Variants in SLC4A4 observed in about 807,000 individuals in gnomAD.
SLC4A4 encodes the protein electrogenic sodium bicarbonate cotransporter 1.
In SLC4A4, 27 loss-of-function variants were observed where a neutral mutation model predicts 111.5. The ratio of observed to expected loss-of-function variants is 0.24; its 90% CI spans 0.18 to 0.33. The LOEUF is 0.33. Ranked by LOEUF, SLC4A4 falls within the 10% of genes least tolerant of loss-of-function variation. The pLI is 1.00. For synonymous variants in SLC4A4, 443 were observed against 463.4 expected, an observed-to-expected ratio of 0.96 and a Z score of 0.57; for missense variants, 909 against 1,315.5, an observed-to-expected ratio of 0.69 and a Z score of 4.78.
chr4:71,304,142 G>A (rs1725494306), intron 3 of SLC4A4, among the ~76,000 whole-genome samples: 1 of 152,082 alleles, frequency 6.6e-6, no homozygotes, highest in African/African-American at 2.4e-5. Flanking sequence ...GTTGTATTAG[G>A]GTTCTCCAGA....
At position 71,385,171 on chromosome 4, in the gene SLC4A4, T is replaced by TTATATATA. The variant is rs199563560; in HGVS notation, c.731-12392_731-12385dup. On this transcript the variant is annotated intron_variant, in intron 6 of 25. Coordinates refer to ENST00000264485, the MANE Select transcript of SLC4A4 (RefSeq NM_001098484.3). ...TTTTTATTGTCAATATAGGTTAGATTTATATATATATATATATATATTTTT... is the reference window on the plus strand; with the variant it reads ...TTTTTATTGTCAATATAGGTTAGATTTATATATATATATATATATATATATATATTTTT... Among the ~76,000 whole-genome samples, 99 of 40,016 alleles carry TTATATATA rather than the reference T, an allele frequency of 2.5e-3. 1 individual carries two copies. Among genetic ancestry groups the TTATATATA allele is most frequent in the Admixed American group, 4.1e-3 (7 of 1,714 alleles). 26.3% of individuals were successfully genotyped at this position (40,016 alleles called of 152,430 possible). A position where few individuals can be genotyped will look rare whatever the true frequency, so the allele number is the denominator to read the frequency against.
At chr4:71,144,366 G>A (rs996457240) in intron 2 of SLC4A4, among the ~76,000 whole-genome samples, 3 of 152,318 alleles carry the variant, frequency 2.0e-5, no homozygotes, top group African/African-American at 7.2e-5. Flanking sequence ...AGTATAGTTT[G>A]AAGTCAGTTA....
intron 2 of SLC4A4, among the ~76,000 whole-genome samples, chr4:71,159,921 GATTTTTCTATAGT>G (rs1026142555): frequency 6.6e-6 from 1 of 152,000 alleles, no homozygotes; most frequent in Non-Finnish European, 1.5e-5. Flanking sequence ...TCTATAGTTT[GATTTTTCTATAGT>G]ATTTTTCTAT....
intron 18 of SLC4A4, among the ~76,000 whole-genome samples, chr4:71,539,224 C>G (rs931969225): frequency 6.6e-6 from 1 of 152,044 alleles, no homozygotes; most frequent in Non-Finnish European, 1.5e-5. Context: ...TATGCCTAGA[C>G]TCTTCTAAAG....
intron 6 of SLC4A4, among the ~76,000 whole-genome samples, chr4:71,384,703 A>G (rs1032735282): frequency 2.7e-5 from 4 of 150,664 alleles, no homozygotes; most frequent in Non-Finnish European, 5.9e-5. Flanking sequence ...ATACATTTGT[A>G]TTATTATTTC....
At chr4:71,074,522 G>A (rs539608517) in intron 1 of SLC4A4, among the ~76,000 whole-genome samples, 2 of 151,952 alleles carry the variant, frequency 1.3e-5, no homozygotes, top group South Asian at 4.2e-4. Flanking sequence ...TTTCAAAAAA[G>A]CAGTGAGAAA....
intron 7 of SLC4A4, among the ~76,000 whole-genome samples, chr4:71,422,710 C>T (rs1722672238): frequency 6.6e-6 from 1 of 151,174 alleles, no homozygotes; most frequent in Non-Finnish European, 1.5e-5. Context: ...TGTAATCCAG[C>T]ATATAAACAG....
chr4:71,136,615 A>G (rs6822301), intron 2 of SLC4A4, among the ~76,000 whole-genome samples: 31,183 of 152,100 alleles, frequency 0.21, 3,289 homozygotes, highest in South Asian at 0.31. Context: ...TTCTGCTGTC[A>G]GACGAACTGA....
intron 6 of SLC4A4, among the ~76,000 whole-genome samples, chr4:71,365,505 C>T (rs1731161753): frequency 6.6e-6 from 1 of 152,098 alleles, no homozygotes; most frequent in Admixed American, 6.5e-5. Flanking sequence ...AAGATAGAGA[C>T]ATAAAATATG....
Position 71,322,208 on chromosome 4 carries a change from C to T in SLC4A4, c.254-17162C>T, listed in dbSNP as rs114104371. Among the ~76,000 whole-genome samples the T allele has an allele frequency of 1.7e-3, 262 of 152,010 alleles. 2 individuals carry two copies. Among genetic ancestry groups the T allele is most frequent in the African/African-American group, 6.1e-3 (253 of 41,502 alleles). On this transcript the variant is annotated intron_variant, in intron 3 of 25. Coordinates refer to ENST00000264485, the MANE Select transcript of SLC4A4 (RefSeq NM_001098484.3). ...TTCCTTGAGGCCTCCATTCCTCTCC[C>T]GATTTTAAAAGAAATTGTATTTTTA...
chr4:71,540,312 G>A (rs918150931), intron 18 of SLC4A4, among the ~76,000 whole-genome samples: 7 of 152,090 alleles, frequency 4.6e-5, no homozygotes, highest in Non-Finnish European at 7.4e-5. Flanking sequence ...ACTTTAGGCC[G>A]CTGGGCTAGT....
intron 2 of SLC4A4, among the ~76,000 whole-genome samples, chr4:71,122,022 C>G (rs1467819482): frequency 6.6e-6 from 1 of 152,110 alleles, no homozygotes; most frequent in African/African-American, 2.4e-5. Flanking sequence ...AGCTTCACTC[C>G]TGAAGCCAGC....
At chr4:71,478,094 C>G (rs1235480532) in intron 14 of SLC4A4, among the ~76,000 whole-genome samples, 1 of 151,712 alleles carries the variant, frequency 6.6e-6, no homozygotes, top group African/African-American at 2.4e-5. Flanking sequence ...GAATGGAGAT[C>G]ATTAAAAAGT....
chr4:71,217,592 C>T (rs1220265987), intron 1 of SLC4A4, among the ~76,000 whole-genome samples: 2 of 152,064 alleles, frequency 1.3e-5, no homozygotes, highest in Non-Finnish European at 2.9e-5. Context: ...AAACCACCAA[C>T]AACGAAATGG....
At chr4:71,449,000 T>G (rs1195870917) in intron 9 of SLC4A4, among the ~76,000 whole-genome samples, 2 of 152,216 alleles carry the variant, frequency 1.3e-5, no homozygotes, top group Non-Finnish European at 2.9e-5. Context: ...AAAAAATACT[T>G]TCTCCTAAGA....
At chr4:71,376,577 T>C (rs1215933919) in intron 6 of SLC4A4, among the ~76,000 whole-genome samples, 10 of 148,336 alleles carry the variant, frequency 6.7e-5, no homozygotes, top group Non-Finnish European at 1.5e-5. Flanking sequence ...TAATCATATA[T>C]ATATATATAT....
At chr4:71,376,788 C>T (rs1732447054) in intron 6 of SLC4A4, among the ~76,000 whole-genome samples, 1 of 151,746 alleles carries the variant, frequency 6.6e-6, no homozygotes, top group Admixed American at 6.6e-5. Context: ...ATATGTGCGC[C>T]ACCATGCCCA....
At chr4:71,276,562 T>G (rs939561122) in intron 3 of SLC4A4, among the ~76,000 whole-genome samples, 1 of 151,954 alleles carries the variant, frequency 6.6e-6, no homozygotes, top group African/African-American at 2.4e-5. Context: ...TATGTGAATC[T>G]GCTTTTTTTT....
At chr4:71,286,114 C>T (rs972599945) in intron 3 of SLC4A4, among the ~76,000 whole-genome samples, 6 of 152,116 alleles carry the variant, frequency 3.9e-5, no homozygotes, top group Non-Finnish European at 7.3e-5. Flanking sequence ...GTGGCGGGCG[C>T]CTATAGTCCC....
Sources: gnomAD v4.1 joint callset for allele counts (sites outside exome capture counted in the v4.1 genomes callset) on GRCh38, gnomAD v4.1.1 for gene constraint, MANE v1.5 for transcripts, NCBI Gene and HGNC (gene_info 2026-07-23, HGNC 2026-07-21) for gene names.